RNF182: variants seen among roughly 807,000 people sequenced by gnomAD.
RNF182 encodes the protein E3 ubiquitin-protein ligase RNF182.
RNF182 carries 15 observed loss-of-function variants against 14.4 expected under a neutral mutation model. The ratio of observed to expected loss-of-function variants is 1.04; its 90% CI spans 0.70 to 1.60. The LOEUF (loss-of-function observed/expected upper bound fraction) is 1.60. Ranked by LOEUF, RNF182 falls within the 40% of genes most tolerant of loss-of-function variation. RNF182 has a pLI of 0.00. For synonymous variants in RNF182, 128 were observed against 122.9 expected, an observed-to-expected ratio of 1.04 and a Z score of -0.27; for missense variants, 268 against 294.8, an observed-to-expected ratio of 0.91 and a Z score of 0.67.
chr6:13,933,453 A>G (rs1056113027), intron 1 of RNF182, among the ~76,000 whole-genome samples: 2 of 151,728 alleles, frequency 1.3e-5, no homozygotes, highest in Non-Finnish European at 2.9e-5. Context: ...TGAGCTCAGG[A>G]GTTCAGGTTT....
chr6:13,958,815 T>C (rs946726210), intron 1 of RNF182, among the ~76,000 whole-genome samples: 3 of 152,220 alleles, frequency 2.0e-5, no homozygotes, highest in African/African-American at 7.2e-5. Context: ...GGACTTCATA[T>C]TGAGATCTGC....
rs568087858 is a variant in RNF182 at position 13,976,167 on chromosome 6, C to T, written c.-211-742C>T. On this transcript the variant is annotated intron_variant, in intron 2 of 2. Transcript: ENST00000488300. ...CTTCATGTCTAGAGACATAGCTATGCATGTTTTATCTGTGTTTACTTCTCT... is the reference window on the plus strand; with the variant it reads ...CTTCATGTCTAGAGACATAGCTATGTATGTTTTATCTGTGTTTACTTCTCT... Among the ~76,000 whole-genome samples, 6 of 152,310 alleles carry T rather than the reference C, an allele frequency of 3.9e-5. No individual in the cohort carries two copies. In the East Asian group the frequency reaches 1.2e-3, roughly 29 times the overall value.
intron 1 of RNF182, among the ~76,000 whole-genome samples, chr6:13,926,618 T>G (rs1215718062): frequency 1.3e-5 from 2 of 152,224 alleles, no homozygotes; most frequent in Non-Finnish European, 2.9e-5. Flanking sequence ...GTACATTGAT[T>G]AAAACGAAGT....
intron 1 of RNF182, among the ~76,000 whole-genome samples, chr6:13,938,044 C>G (rs1326080206): frequency 7.2e-5 from 7 of 97,616 alleles, no homozygotes; most frequent in African/African-American, 2.6e-4. Context: ...GAGTTTCTGT[C>G]GTCGCCCAGG....
chr6:13,929,948 T>G (rs917377058), intron 1 of RNF182, among the ~76,000 whole-genome samples: 1 of 152,228 alleles, frequency 6.6e-6, no homozygotes, highest in African/African-American at 2.4e-5. Context: ...ACCAGTATTC[T>G]TTTCTGTACA....
chr6:13,954,454 C>G (rs1460966226), intron 1 of RNF182, among the ~76,000 whole-genome samples: 1 of 152,182 alleles, frequency 6.6e-6, no homozygotes, highest in African/African-American at 2.4e-5. Flanking sequence ...CTTTTCTAAC[C>G]TGTGGCCTGT....
At chr6:13,934,596 T>C (rs1372385068) in intron 1 of RNF182, among the ~76,000 whole-genome samples, 2 of 152,220 alleles carry the variant, frequency 1.3e-5, no homozygotes. Flanking sequence ...ATGCCATCTC[T>C]GTTTTGTCAT....
intron 2 of RNF182, among the ~76,000 whole-genome samples, chr6:13,975,136 C>T (rs1016092511): frequency 3.3e-5 from 5 of 152,172 alleles, no homozygotes; most frequent in Admixed American, 2.6e-4. Context: ...GGGCTGGGGA[C>T]TGTCCCATGA....
At position 13,948,834 on chromosome 6, in the gene RNF182, A is replaced by G. The variant is rs563437943; in HGVS notation, c.-367+23811A>G. On this transcript the variant is annotated intron_variant, in intron 1 of 2. Transcript: ENST00000488300. ...GAGGGAAGAGTTAGCTTTCCAAATA[A>G]TGTCTCTTTTCTCTCCTTTCTTTTT... Among the ~76,000 whole-genome samples, 5 of 152,292 alleles carry G rather than the reference A, an allele frequency of 3.3e-5. No homozygotes were observed. In the East Asian group the frequency reaches 7.7e-4, roughly 23 times the overall value.
At chr6:13,945,624 A>G (rs1346065279) in intron 1 of RNF182, among the ~76,000 whole-genome samples, 2 of 152,234 alleles carry the variant, frequency 1.3e-5, no homozygotes, top group African/African-American at 2.4e-5. Context: ...TGTTTTAACA[A>G]TTTCAAAGAT....
At chr6:13,952,552 A>G (rs1205372524) in intron 1 of RNF182, among the ~76,000 whole-genome samples, 1 of 152,100 alleles carries the variant, frequency 6.6e-6, no homozygotes, top group Non-Finnish European at 1.5e-5. Context: ...AATGTATCCT[A>G]CGGTTTATCC....
intron 1 of RNF182, among the ~76,000 whole-genome samples, chr6:13,939,118 G>A (rs1759218859): frequency 6.6e-6 from 1 of 152,160 alleles, no homozygotes; most frequent in South Asian, 2.1e-4. Flanking sequence ...TTACATTGAT[G>A]TAATCCTGAT....
intron 1 of RNF182, among the ~76,000 whole-genome samples, chr6:13,970,750 C>A (rs550790436): frequency 6.6e-6 from 1 of 152,068 alleles, no homozygotes; most frequent in Admixed American, 6.5e-5. Flanking sequence ...GTGATAGATA[C>A]GTGACATTTC....
chr6:13,952,325 T>C (rs938950433), intron 1 of RNF182, among the ~76,000 whole-genome samples: 3 of 152,086 alleles, frequency 2.0e-5, no homozygotes, highest in Non-Finnish European at 4.4e-5. Context: ...TGTCCCACTA[T>C]CCTGTACATG....
intron 1 of RNF182, among the ~76,000 whole-genome samples, chr6:13,956,629 C>G (rs986328145): frequency 6.6e-6 from 1 of 152,080 alleles, no homozygotes; most frequent in Non-Finnish European, 1.5e-5. Flanking sequence ...CCGGCCTGTC[C>G]TTTGCGTTAG....
At chr6:13,934,705 G>A (rs1037396510) in intron 1 of RNF182, among the ~76,000 whole-genome samples, 2 of 152,080 alleles carry the variant, frequency 1.3e-5, no homozygotes, top group Non-Finnish European at 2.9e-5. Context: ...TTTCTAGTTT[G>A]TTCATTATTC....
chr6:13,934,020 A>G (rs142414701), intron 1 of RNF182, among the ~76,000 whole-genome samples: 2,296 of 152,332 alleles, frequency 0.015, 20 homozygotes, highest in Non-Finnish European at 0.023. Context: ...TCGGTCTCAA[A>G]AACAGGAAAA....
At chr6:13,971,507 A>G (rs979139926) in intron 1 of RNF182, among the ~76,000 whole-genome samples, 10 of 152,194 alleles carry the variant, frequency 6.6e-5, no homozygotes, top group African/African-American at 2.4e-4. Context: ...GGAGTGGGGT[A>G]CTGCTATAAG....
At position 13,977,261 on chromosome 6, in the gene RNF182, C is replaced by A; in HGVS notation, c.142C>A (p.Leu48Ile). 6.2e-7 allele frequency: 1 copy of A among 1,614,182 alleles called. No individual in the cohort carries two copies. The highest frequency in any genetic ancestry group is 8.5e-7 in the Non-Finnish European group (1 of 1,180,034). ...TTGTCATAGGGTTTGTGCCAAATGC[C>A]TCTACAAGATCATAGACTTTGGGGA... ...ECCHRVCAKC[L>I]YKIIDFGDSP... The change falls in exon 3 of 3, where the codon CTC (leucine) becomes ATC (isoleucine). Residue 48 changes from leucine to isoleucine, a missense_variant. Leu to Ile is a conservative substitution (Grantham distance 5). Transcript: ENST00000488300.
Sources: allele counts gnomAD v4.1 joint callset (sites outside exome capture counted in the v4.1 genomes callset), GRCh38; gene constraint gnomAD v4.1.1; transcripts MANE v1.5; gene names NCBI Gene and HGNC (gene_info 2026-07-23, HGNC 2026-07-21).